The following KCNH8 variants were observed in gnomAD, a reference collection of about 807,000 sequenced individuals.
KCNH8 encodes the protein potassium voltage-gated channel subfamily H member 8, also known as voltage-gated delayed rectifier potassium channel KCNH8.
KCNH8 carries 70 observed loss-of-function variants against 103.6 expected under a neutral mutation model. The ratio of observed to expected loss-of-function variants is 0.68; its 90% CI spans 0.56 to 0.82. The LOEUF (loss-of-function observed/expected upper bound fraction) is 0.82. Ranked by LOEUF, KCNH8 falls within the 40% of genes least tolerant of loss-of-function variation. The pLI is 0.00. For missense variants in KCNH8, 1,217 were observed against 1,329.9 expected (o/e 0.92, Z 1.32); for synonymous variants, 498 against 489.4 (o/e 1.02, Z -0.23).
chr3:19,466,693 C>T (rs894078739), intron 11 of KCNH8, among the ~76,000 whole-genome samples: 1 of 116,130 alleles, frequency 8.6e-6, no homozygotes, highest in Non-Finnish European at 1.6e-5. Flanking sequence ...GATGAAGTCT[C>T]GCTCTTGCCG....
intron 5 of KCNH8, among the ~76,000 whole-genome samples, chr3:19,361,552 G>A (rs891110512): frequency 6.6e-6 from 1 of 151,742 alleles, no homozygotes; most frequent in African/African-American, 2.4e-5. Flanking sequence ...TACCAACCAT[G>A]GGAGATACTT....
intron 1 of KCNH8, among the ~76,000 whole-genome samples, chr3:19,221,319 A>G (rs1487610112): frequency 6.6e-6 from 1 of 152,246 alleles, no homozygotes; most frequent in Non-Finnish European, 1.5e-5. Context: ...CCCAGGTTGG[A>G]TAGCTCCTAC....
intron 8 of KCNH8, among the ~76,000 whole-genome samples, chr3:19,447,043 C>T (rs79338203): frequency 0.014 from 2,066 of 152,080 alleles, 48 homozygotes; most frequent in African/African-American, 0.045. Flanking sequence ...AGGTCTAACA[C>T]TCAAGAATTA....
At chr3:19,501,770 G>A (rs1452025060) in intron 11 of KCNH8, among the ~76,000 whole-genome samples, 6 of 151,962 alleles carry the variant, frequency 3.9e-5, no homozygotes, top group African/African-American at 7.3e-5. Flanking sequence ...TTGATGTGAC[G>A]TATCTCAAAA....
intron 1 of KCNH8, among the ~76,000 whole-genome samples, chr3:19,245,990 C>G (rs1350505836): frequency 6.6e-6 from 1 of 152,060 alleles, no homozygotes; most frequent in East Asian, 1.9e-4. Flanking sequence ...GACAATAAAC[C>G]TGACAAGAAT....
At chr3:19,219,369 TA>T (rs1162688940) in intron 1 of KCNH8, among the ~76,000 whole-genome samples, 87 of 152,312 alleles carry the variant, frequency 5.7e-4, no homozygotes, top group African/African-American at 2.1e-3. Context: ...CTAAAATGTT[TA>T]TTGTTTGTCT....
chr3:19,218,356 A>G (rs1290911231), intron 1 of KCNH8, among the ~76,000 whole-genome samples: 1 of 152,136 alleles, frequency 6.6e-6, no homozygotes, highest in Non-Finnish European at 1.5e-5. Context: ...ATACCAACTG[A>G]CCATATTTTT....
rs180823627 is a variant in KCNH8, at chr3:19,465,138, A to C, written c.2040+8156A>C. On this transcript the variant is annotated intron_variant, in intron 11 of 15. Coordinates refer to ENST00000328405, the MANE Select transcript of KCNH8 (RefSeq NM_144633.3). ...TTGTCAACTTAAGGAAGAAGATGCCATCTAGGAATTTCATAGCTAGAGAAG... is the reference window on the plus strand; with the variant it reads ...TTGTCAACTTAAGGAAGAAGATGCCCTCTAGGAATTTCATAGCTAGAGAAG... 3.1e-3 allele frequency among the ~76,000 whole-genome samples: 476 copies of C among 152,352 alleles called. 4 individuals carry two copies. Among genetic ancestry groups the C allele is most frequent in the African/African-American group, 0.01 (433 of 41,586 alleles).
chr3:19,461,270 T>C (rs2067622767), intron 11 of KCNH8, among the ~76,000 whole-genome samples: 1 of 152,158 alleles, frequency 6.6e-6, no homozygotes, highest in African/African-American at 2.4e-5. Flanking sequence ...TCTATTTATA[T>C]ATAACTGAGA....
intron 11 of KCNH8, among the ~76,000 whole-genome samples, chr3:19,496,801 G>A (rs2068450828): frequency 6.6e-6 from 1 of 152,084 alleles, no homozygotes; most frequent in African/African-American, 2.4e-5. Flanking sequence ...GCAGAATTTG[G>A]CTGTGAATCC....
At chr3:19,217,108 G>A (rs995462987) in intron 1 of KCNH8, among the ~76,000 whole-genome samples, 3 of 152,182 alleles carry the variant, frequency 2.0e-5, no homozygotes, top group East Asian at 3.9e-4. Flanking sequence ...AAGTCTGAGC[G>A]CAGTCCCTTG....
Position 19,352,727 on chromosome 3 carries a change from T to G in KCNH8, c.811+4762T>G, listed in dbSNP as rs538960929. Among the ~76,000 whole-genome samples, 964 of 152,224 alleles carry G rather than the reference T, an allele frequency of 6.3e-3. 6 individuals are homozygous for G. Among genetic ancestry groups the G allele is most frequent in the African/African-American group, 0.022 (895 of 41,540 alleles). On this transcript the variant is annotated intron_variant, in intron 5 of 15. Transcript: ENST00000328405. ...CATACCAGAATCTCTGGGACACATT[T>G]AAAGCAGTGTGTAGAGGGAAATTTA...
At chr3:19,434,348 A>G (rs1167054512) in intron 7 of KCNH8, among the ~76,000 whole-genome samples, 3 of 152,220 alleles carry the variant, frequency 2.0e-5, no homozygotes, top group African/African-American at 7.2e-5. Context: ...AAGTATTTGT[A>G]GCAGTAACAA....
At chr3:19,292,480 A>C (rs2064941902) in intron 3 of KCNH8, among the ~76,000 whole-genome samples, 1 of 152,228 alleles carries the variant, frequency 6.6e-6, no homozygotes, top group Admixed American at 6.5e-5. Context: ...AAGTGACTTC[A>C]GAAGAAATAA....
At chr3:19,439,515 G>A (rs1453697687) in intron 8 of KCNH8, among the ~76,000 whole-genome samples, 2 of 152,090 alleles carry the variant, frequency 1.3e-5, no homozygotes, top group Non-Finnish European at 2.9e-5. Context: ...TAAGTATGAG[G>A]TTCATGATCC....
chr3:19,354,540 C>T (rs552530302), intron 5 of KCNH8, among the ~76,000 whole-genome samples: 5 of 152,106 alleles, frequency 3.3e-5, no homozygotes, highest in South Asian at 2.1e-4. Flanking sequence ...GAGATATAGA[C>T]CAATGGAACA....
intron 3 of KCNH8, among the ~76,000 whole-genome samples, chr3:19,301,960 T>G (rs2065069199): frequency 6.6e-6 from 1 of 152,212 alleles, no homozygotes; most frequent in African/African-American, 2.4e-5. Flanking sequence ...GCACAGGAGC[T>G]TCTGTTACTG....
chr3:19,446,617 G>C (rs1429599183), intron 8 of KCNH8, among the ~76,000 whole-genome samples: 3 of 151,920 alleles, frequency 2.0e-5, no homozygotes. Context: ...AAGAGAAGGA[G>C]GGCAGCTAAG....
chr3:19,324,926 G>A (rs2065400212), intron 3 of KCNH8, among the ~76,000 whole-genome samples: 1 of 152,158 alleles, frequency 6.6e-6, no homozygotes, highest in African/African-American at 2.4e-5. Flanking sequence ...CAGGCTACCT[G>A]ATTTCAAACT....
Sources: allele counts gnomAD v4.1 joint callset (sites outside exome capture counted in the v4.1 genomes callset), GRCh38; gene constraint gnomAD v4.1.1; transcripts MANE v1.5; gene names NCBI Gene and HGNC (gene_info 2026-07-23, HGNC 2026-07-21).